The following DHRS9 variants were observed in gnomAD, a reference collection of about 807,000 sequenced individuals.
DHRS9 encodes dehydrogenase/reductase 9.
Under a neutral mutation model 26.6 loss-of-function variants are expected in DHRS9, and 18 were observed. That is an observed-to-expected ratio of 0.68 (90% confidence interval 0.47 to 1.00). DHRS9 has a LOEUF of 1.00. Ranked by LOEUF, DHRS9 falls within the 50% of genes least tolerant of loss-of-function variation. The probability of loss-of-function intolerance (pLI) is 0.00; values close to 1 mark genes in which losing one functional copy is unlikely to be tolerated. For missense variants in DHRS9, 425 were observed against 378.7 expected (o/e 1.12, Z -1.01); for synonymous variants, 134 against 141.1 (o/e 0.95, Z 0.36).
At chr2:169,074,319 G>A (rs995627996) in intron 1 of DHRS9, 4 of 985,472 alleles carry the variant, frequency 4.1e-6, no homozygotes, top group Non-Finnish European at 4.8e-6. Flanking sequence ...GTGAAACTGG[G>A]ATGGAACCTC....
At chr2:169,073,149 A>C (rs761213321) in intron 1 of DHRS9, among the ~76,000 whole-genome samples, 1 of 152,158 alleles carries the variant, frequency 6.6e-6, no homozygotes, top group Non-Finnish European at 1.5e-5. Flanking sequence ...ACTAAACATC[A>C]ACATAATGCC....
Position 169,081,561 on chromosome 2 carries a change from C to T in DHRS9, c.-21C>T, listed in dbSNP as rs1306106828. ...TGTATTATACAAGAAAGGAGTGTAC[C>T]TATCACACACAGGGGGAAAAATGCT... On this transcript the variant is annotated 5_prime_UTR_variant, in exon 2 of 5. Coordinates refer to ENST00000674881, the MANE Select transcript of DHRS9 (RefSeq NM_001376924.1). 3 of 1,608,656 alleles carry T rather than the reference C, an allele frequency of 1.9e-6. No individual in the cohort carries two copies. Among genetic ancestry groups the T allele is most frequent in the Non-Finnish European group, 2.5e-6 (3 of 1,177,740 alleles).
At chr2:169,075,284 A>G (rs539253875) in intron 1 of DHRS9, among the ~76,000 whole-genome samples, 9 of 152,338 alleles carry the variant, frequency 5.9e-5, no homozygotes, top group Non-Finnish European at 1.0e-4. Context: ...AGGACAACCC[A>G]GATTCCTCAA....
Position 169,081,863 on chromosome 2 carries a change from C to T in DHRS9, c.282C>T (p.Ala94=). The T allele has an allele frequency of 1.2e-6, 2 of 1,610,432 alleles. No individual in the cohort carries two copies. Among genetic ancestry groups the T allele is most frequent in the Non-Finnish European group, 1.7e-6 (2 of 1,177,834 alleles). The change falls in exon 2 of 5, where the codon GCC becomes GCT. Residue 94 remains alanine (A), a synonymous_variant. Coordinates refer to ENST00000674881, the MANE Select transcript of DHRS9 (RefSeq NM_001376924.1). ...VTDPENVKRT[A]QWVKNQVGEK... ...ACCCAGAGAATGTCAAGAGGACTGC[C>T]CAGTGGGTGAAGAACCAAGTTGGGG... is the stretch of plus-strand genomic sequence containing the variant.
rs778839111 is a variant in DHRS9 at position 169,095,759 on chromosome 2, G to A, written c.952G>A (p.Ala318Thr). 2.4e-5 allele frequency: 39 copies of A among 1,613,408 alleles called. No individual in the cohort carries two copies. The South Asian group carries it at 4.0e-4, about 16-fold the overall frequency. ...GAAAGCAGAGCTGGCTAATCCCAAG[G>A]CAGTGTGACTCAGCTAACCACAAAT... ...KQKAELANPK[A>T]V Residue 318 changes from alanine (A) to threonine (T), a missense_variant, in exon 5 of 5, where the codon GCA becomes ACA. Coordinates refer to ENST00000674881, the MANE Select transcript of DHRS9 (RefSeq NM_001376924.1).
At position 169,095,687 on chromosome 2, in the gene DHRS9, C is replaced by G; in HGVS notation, c.880C>G (p.Leu294Val). ...GKDAKIFWIP[L>V]SHMPAALQDF... ...AGATGCCAAAATTTTCTGGATACCT[C>G]TGTCTCACATGCCAGCAGCTTTGCA... is the stretch of plus-strand genomic sequence containing the variant. The change falls in exon 5 of 5, where the codon CTG becomes GTG. Residue 294 changes from leucine (L) to valine (V), a missense_variant. By Grantham distance (32) the Leu-to-Val change is conservative. Coordinates refer to ENST00000674881, the MANE Select transcript of DHRS9 (RefSeq NM_001376924.1). The G allele has an allele frequency of 1.2e-6, 2 of 1,613,998 alleles. No individual in the cohort carries two copies.
rs761781142 is a variant in DHRS9 at position 169,091,817 on chromosome 2, C to T, written c.600C>T (p.His200=). 1.5e-5 allele frequency: 24 copies of T among 1,613,274 alleles called. 1 individual carries two copies. The highest frequency in any genetic ancestry group is 2.2e-5 in the East Asian group (1 of 44,884). The change falls in exon 4 of 5, where the codon CAC becomes CAT. Residue 200 remains histidine (H), a synonymous_variant. Coordinates refer to ENST00000674881, the MANE Select transcript of DHRS9 (RefSeq NM_001376924.1). ...LRRDMKAFGV[H]VSCIEPGLFK... is the part of the protein sequence containing the mutation. ...GGGACATGAAAGCTTTTGGTGTGCACGTCTCATGCATTGAACCAGGATTGT... is the reference window on the plus strand; with the variant it reads ...GGGACATGAAAGCTTTTGGTGTGCATGTCTCATGCATTGAACCAGGATTGT...
At position 169,081,625 on chromosome 2, in the gene DHRS9, T is replaced by C; in HGVS notation, c.44T>C (p.Leu15Pro). 1.2e-6 allele frequency: 2 copies of C among 1,614,222 alleles called. No individual in the cohort carries two copies. The highest frequency in any genetic ancestry group is 1.7e-6 in the Non-Finnish European group (2 of 1,180,040). The change falls in exon 2 of 5, where the codon CTG (leucine) becomes CCG (proline). Residue 15 changes from leucine to proline, a missense_variant. Transcript: ENST00000674881. ...VLGLLILCGF[L>P]WTRKGKLKIE... is the part of the protein sequence containing the mutation. Reference sequence around the variant, plus strand: ...GGCCTCCTAATCCTCTGTGGTTTTCTGTGGACTCGTAAAGGAAAACTAAAG... The same window carrying C: ...GGCCTCCTAATCCTCTGTGGTTTTCCGTGGACTCGTAAAGGAAAACTAAAG...
At chr2:169,090,980 G>A (rs1684503082) in intron 3 of DHRS9, among the ~76,000 whole-genome samples, 1 of 152,108 alleles carries the variant, frequency 6.6e-6, no homozygotes, top group Non-Finnish European at 1.5e-5. Flanking sequence ...CCCCATTGTG[G>A]GCCAATGTAA....
At position 169,095,868 on chromosome 2, in the gene DHRS9, C is replaced by G; in HGVS notation, c.*101C>G. The G allele has an allele frequency of 9.4e-7, 1 of 1,062,804 alleles. No individual in the cohort carries two copies. The highest frequency in any genetic ancestry group is 1.5e-5 in the South Asian group (1 of 67,302). The allele number at this position is 1,062,804 out of a possible 1,614,324, so 65.8% of individuals were successfully genotyped here. A position where few individuals can be genotyped will look rare whatever the true frequency, so the allele number is the denominator to read the frequency against. ...TTCCTTATCTGCTCCAACCTGGACT[C>G]ATTTAGATCGTGCTTATTTGGATTG... On this transcript the variant is annotated 3_prime_UTR_variant, in exon 5 of 5. Transcript: ENST00000674881.
chr2:169,079,860 TGAAAGAAA>T (rs1228654391), intron 1 of DHRS9, among the ~76,000 whole-genome samples: 7 of 110,448 alleles, frequency 6.3e-5, no homozygotes, highest in Non-Finnish European at 9.9e-5. Context: ...AAATTCCATC[TGAAAGAAA>T]GAAAGAAAGA....
intron 3 of DHRS9, among the ~76,000 whole-genome samples, chr2:169,086,480 T>A (rs1220955262): frequency 6.6e-6 from 1 of 152,138 alleles, no homozygotes. Flanking sequence ...CCAGGATTGG[T>A]CTCTTGTGTC....
chr2:169,069,349 A>AG, upstream of DHRS9: 1 of 892,900 alleles, frequency 1.1e-6, no homozygotes, highest in Non-Finnish European at 1.3e-6. Flanking sequence ...TTTGGTCAAG[A>AG]GATTGTACTA....
intron 2 of DHRS9, 75 bp downstream of exon 2, chr2:169,081,969 C>A: frequency 7.1e-7 from 1 of 1,413,606 alleles, no homozygotes; most frequent in Non-Finnish European, 9.5e-7. Context: ...ATAAAACATG[C>A]TCAAGTTTTA....
At chr2:169,070,541 C>T in intron 1 of DHRS9, 4 of 985,264 alleles carry the variant, frequency 4.1e-6, no homozygotes, top group Non-Finnish European at 4.8e-6. Flanking sequence ...CATATATTAA[C>T]TGCTCTAAAA....
intron 4 of DHRS9, among the ~76,000 whole-genome samples, chr2:169,093,605 C>T (rs969872320): frequency 6.6e-6 from 1 of 152,260 alleles, no homozygotes; most frequent in East Asian, 1.9e-4. Context: ...TTTTTAAATG[C>T]CTTTGAATAT....
chr2:169,091,956 G>A lies in DHRS9; in HGVS notation c.736+3G>A. On this transcript the variant is annotated splice_donor_region_variant and intron_variant, in intron 4 of 4. Transcript: ENST00000674881. Reference sequence around the variant, plus strand: ...TGGAGAAGGTTACATTGAAAAAAGTGAGTTTCCGGGCGGTGCCAATGTCCT... The same window carrying A: ...TGGAGAAGGTTACATTGAAAAAAGTAAGTTTCCGGGCGGTGCCAATGTCCT... 1.2e-6 allele frequency: 2 copies of A among 1,613,270 alleles called. No individual in the cohort carries two copies. Among genetic ancestry groups the A allele is most frequent in the Non-Finnish European group, 1.7e-6 (2 of 1,179,654 alleles).
rs1480694248 is a variant in DHRS9 at position 169,096,007 on chromosome 2, C to T, written c.*240C>T. ...AGGCAAGTCCTGCCCTGTATTTAGG[C>T]TTTGCCTGCTTGGTGTGATGTAAGG... On this transcript the variant is annotated 3_prime_UTR_variant, in exon 5 of 5. Transcript: ENST00000674881. 1 of 538,116 alleles carries T rather than the reference C, an allele frequency of 1.9e-6. No homozygotes were observed. Among genetic ancestry groups the T allele is most frequent in the Non-Finnish European group, 3.3e-6 (1 of 300,074 alleles). 33.3% of individuals were successfully genotyped at this position (538,116 alleles called of 1,614,324 possible).
At chr2:169,087,986 G>A (rs1206479348) in intron 3 of DHRS9, among the ~76,000 whole-genome samples, 1 of 152,040 alleles carries the variant, frequency 6.6e-6, no homozygotes, top group Admixed American at 6.5e-5. Context: ...CACTCTCCTG[G>A]CTGCCCAAGC....
Sources: allele counts gnomAD v4.1 joint callset (sites outside exome capture counted in the v4.1 genomes callset), GRCh38; gene constraint gnomAD v4.1.1; transcripts MANE v1.5; gene names NCBI Gene and HGNC (gene_info 2026-07-23, HGNC 2026-07-21).